FOCAD: variants seen among roughly 807,000 people sequenced by gnomAD.
FOCAD encodes KIAA1797.
In FOCAD, 198 loss-of-function variants were observed where a neutral mutation model predicts 225.6. That is an observed-to-expected ratio of 0.88 (90% CI 0.78 to 0.99). FOCAD has a LOEUF of 0.99. Ranked by LOEUF, FOCAD falls within the 50% of genes least tolerant of loss-of-function variation. The pLI, the probability that FOCAD is intolerant of heterozygous loss-of-function variation, is 0.00. For synonymous variants in FOCAD, 897 were observed against 755.0 expected (o/e 1.19, Z -3.08); for missense variants, 2,713 against 2,123.6 (o/e 1.28, Z -5.46).
chr9:20,730,457 C>G (rs1826594067), intron 4 of FOCAD, among the ~76,000 whole-genome samples: 1 of 152,038 alleles, frequency 6.6e-6, no homozygotes, highest in African/African-American at 2.4e-5. Context: ...GTTACATTTT[C>G]TTATAAAATA....
chr9:20,853,318 G>C (rs1222578794), intron 15 of FOCAD, among the ~76,000 whole-genome samples: 1 of 151,700 alleles, frequency 6.6e-6, no homozygotes, highest in Non-Finnish European at 1.5e-5. Flanking sequence ...TGGCTGTTGA[G>C]TAGTGAGTCT....
At chr9:20,673,755 A>G (rs971761459) in intron 2 of FOCAD, among the ~76,000 whole-genome samples, 4 of 152,170 alleles carry the variant, frequency 2.6e-5, no homozygotes, top group African/African-American at 9.7e-5. Context: ...CGTGCGTGCC[A>G]CACGTGGTGT....
At chr9:20,990,861 C>G (rs1234937785) in intron 42 of FOCAD, among the ~76,000 whole-genome samples, 1 of 152,204 alleles carries the variant, frequency 6.6e-6, no homozygotes, top group East Asian at 1.9e-4. Flanking sequence ...CTTGTAGCAT[C>G]TTTAAGGTTC....
At chr9:20,900,857 CTAATGT>C (rs1260420938) in intron 21 of FOCAD, among the ~76,000 whole-genome samples, 1 of 151,640 alleles carries the variant, frequency 6.6e-6, no homozygotes, top group Non-Finnish European at 1.5e-5. Flanking sequence ...AGCTTTCAAG[CTAATGT>C]TACCCTGATT....
chr9:20,769,541 A>C (rs145673914), intron 7 of FOCAD, among the ~76,000 whole-genome samples: 1 of 152,198 alleles, frequency 6.6e-6, no homozygotes, highest in Non-Finnish European at 1.5e-5. Flanking sequence ...GTCTTTTACT[A>C]TATCTGCCAA....
At chr9:20,805,762 G>T (rs889796453) in intron 11 of FOCAD, among the ~76,000 whole-genome samples, 1 of 152,140 alleles carries the variant, frequency 6.6e-6, no homozygotes, top group Admixed American at 6.6e-5. Flanking sequence ...TTGGGAAGAC[G>T]AAGGAATAGG....
chr9:20,836,359 CTT>C (rs1189666222), intron 15 of FOCAD, among the ~76,000 whole-genome samples: 1 of 152,048 alleles, frequency 6.6e-6, no homozygotes, highest in Non-Finnish European at 1.5e-5. Context: ...TCTGGAACCT[CTT>C]TTGTTGTTCT....
At chr9:20,789,001 C>A (rs1000680907) in intron 10 of FOCAD, among the ~76,000 whole-genome samples, 17 of 150,872 alleles carry the variant, frequency 1.1e-4, no homozygotes, top group South Asian at 2.1e-4. Flanking sequence ...TTTTTTTAAT[C>A]TTTCTTCTCA....
At chr9:20,908,115 T>C (rs1036311468) in intron 22 of FOCAD, among the ~76,000 whole-genome samples, 14 of 152,126 alleles carry the variant, frequency 9.2e-5, no homozygotes, top group African/African-American at 3.4e-4. Flanking sequence ...AGTTGGGGAA[T>C]ATACAGTTAA....
chr9:20,866,653 G>T lies in FOCAD; in HGVS notation c.2107-276G>T, dbSNP rs1032943830. Among the ~76,000 whole-genome samples, 9 of 151,774 alleles carry T rather than the reference G, an allele frequency of 5.9e-5. No individual in the cohort carries two copies. The South Asian group carries it at 1.9e-3, about 31-fold the overall frequency. ...TTAATGCTGATAATTTTTTCCAGTT[G>T]TTCTTACTTCCCTTCACAGACCCTT... On this transcript the variant is annotated intron_variant, in intron 17 of 43. Transcript: ENST00000338382.
intron 11 of FOCAD, among the ~76,000 whole-genome samples, chr9:20,808,409 G>C (rs773235334): frequency 3.3e-5 from 5 of 152,220 alleles, no homozygotes; most frequent in Admixed American, 6.5e-5. Context: ...GTGTGTGTGA[G>C]AATGAATAAC....
At chr9:20,823,231 T>G in intron 15 of FOCAD, 116 bp downstream of exon 15, 1 of 1,200,452 alleles carries the variant, frequency 8.3e-7, no homozygotes, top group Non-Finnish European at 1.1e-6. Flanking sequence ...TCATTCCCAG[T>G]GAATTTTTTC....
At chr9:20,715,517 A>G (rs1037297579) in intron 2 of FOCAD, 107 bp downstream of exon 2, 4 of 452,386 alleles carry the variant, frequency 8.8e-6, no homozygotes, top group African/African-American at 6.1e-5. Context: ...CTACATGTAG[A>G]GATTTATATT....
chr9:20,700,221 G>C (rs1381003023), intron 1 of FOCAD, among the ~76,000 whole-genome samples: 1 of 151,928 alleles, frequency 6.6e-6, no homozygotes, highest in Non-Finnish European at 1.5e-5. Context: ...GTTTTTAAAG[G>C]ATTGTAATAA....
At chr9:20,798,383 C>A (rs199559383) in intron 11 of FOCAD, among the ~76,000 whole-genome samples, 1 of 151,818 alleles carries the variant, frequency 6.6e-6, no homozygotes. Flanking sequence ...GGGAGGATTC[C>A]CTCTTTTTCT....
chr9:20,959,977 TC>T (rs1369067616), intron 35 of FOCAD, among the ~76,000 whole-genome samples: 24 of 152,200 alleles, frequency 1.6e-4, no homozygotes, highest in African/African-American at 5.6e-4. Context: ...AAAATTGTCT[TC>T]CTTTTTTAAT....
chr9:20,857,485 G>A (rs1230942522), intron 15 of FOCAD, among the ~76,000 whole-genome samples: 1 of 151,724 alleles, frequency 6.6e-6, no homozygotes, highest in Non-Finnish European at 1.5e-5. Context: ...TCCTAATTTT[G>A]TTTTGGTAGA....
intron 18 of FOCAD, among the ~76,000 whole-genome samples, chr9:20,872,132 T>G (rs1829832841): frequency 6.6e-6 from 1 of 152,136 alleles, no homozygotes; most frequent in African/African-American, 2.4e-5. Flanking sequence ...TGCTAAAATT[T>G]ATGCACATTT....
rs549869812 is a variant in FOCAD, at chr9:20,768,255, A to G, written c.700-1777A>G. Among the ~76,000 whole-genome samples the G allele has an allele frequency of 4.6e-3, 685 of 150,358 alleles. 4 individuals are homozygous for G. The highest frequency in any genetic ancestry group is 9.5e-3 in the South Asian group (44 of 4,616). ...CTTGTAGTATAGTTTGAAGTCAGGT[A>G]GTGTGATGCCTCCAGCTTTGTTCTT... On this transcript the variant is annotated intron_variant, in intron 7 of 43. Coordinates refer to ENST00000338382, the MANE Select transcript of FOCAD (RefSeq NM_001375567.1).
Sources: gnomAD v4.1 joint callset for allele counts (sites outside exome capture counted in the v4.1 genomes callset) on GRCh38, gnomAD v4.1.1 for gene constraint, MANE v1.5 for transcripts, NCBI Gene and HGNC (gene_info 2026-07-23, HGNC 2026-07-21) for gene names.